SH3BGR: variants seen among roughly 807,000 people sequenced by gnomAD.
SH3BGR encodes SH3 domain binding glutamate rich protein.
Under a neutral mutation model 24.5 loss-of-function variants are expected in SH3BGR, and 29 were observed. The ratio of observed to expected loss-of-function variants is 1.18; its 90% CI spans 0.88 to 1.61. The LOEUF is 1.61. Ranked by LOEUF, SH3BGR falls within the 40% of genes most tolerant of loss-of-function variation. The probability of loss-of-function intolerance (pLI) is 0.00; values close to 1 mark genes in which losing one functional copy is unlikely to be tolerated. For missense variants in SH3BGR, 162 were observed against 205.8 expected (o/e 0.79, Z 1.30); for synonymous variants, 55 against 65.7 (o/e 0.84, Z 0.79).
intron 1 of SH3BGR, 97 bp from the exon 2 acceptor site, chr21:39,462,278 T>G (rs747103244): frequency 1.6e-5 from 13 of 797,634 alleles, no homozygotes; most frequent in Non-Finnish European, 2.6e-5. Context: ...CAAAATTATT[T>G]GTGTTGTATA....
At chr21:39,468,149 A>G (rs189928076) in intron 2 of SH3BGR, among the ~76,000 whole-genome samples, 1 of 152,362 alleles carries the variant, frequency 6.6e-6, no homozygotes, top group East Asian at 1.9e-4. Context: ...TAGCAGAGGT[A>G]TGAGTGTCTC....
chr21:39,479,417 G>A (rs912363256), intron 3 of SH3BGR, among the ~76,000 whole-genome samples: 5 of 151,646 alleles, frequency 3.3e-5, no homozygotes, highest in African/African-American at 7.2e-5. Context: ...GATGGTGGTA[G>A]TGGTGGTGAG....
intron 3 of SH3BGR, among the ~76,000 whole-genome samples, chr21:39,494,851 T>G (rs17406223): frequency 0.024 from 3,618 of 152,232 alleles, 151 homozygotes; most frequent in African/African-American, 0.083. Context: ...TTAAATCTTT[T>G]GTTATTATTC....
intron 4 of SH3BGR, among the ~76,000 whole-genome samples, chr21:39,502,828 G>A (rs975891458): frequency 2.0e-5 from 3 of 152,160 alleles, no homozygotes; most frequent in African/African-American, 4.8e-5. Flanking sequence ...TTCTGACCGC[G>A]GACGCTGCTG....
At chr21:39,462,601 T>C (rs1602082408) in intron 2 of SH3BGR, 41 bp downstream of exon 2, 2 of 1,394,766 alleles carry the variant, frequency 1.4e-6, no homozygotes, top group East Asian at 5.2e-5. Flanking sequence ...TGTGTGTGTG[T>C]TTATTAGAAA....
chr21:39,484,508 A>G (rs1429785671), intron 3 of SH3BGR, among the ~76,000 whole-genome samples: 1 of 152,152 alleles, frequency 6.6e-6, no homozygotes, highest in African/African-American at 2.4e-5. Context: ...GTTTTATCTT[A>G]TCTCATTTTT....
At chr21:39,494,039 T>C (rs1049619756) in intron 3 of SH3BGR, among the ~76,000 whole-genome samples, 1 of 152,052 alleles carries the variant, frequency 6.6e-6, no homozygotes, top group Admixed American at 6.6e-5. Flanking sequence ...TCTAGGTGTA[T>C]AATATATATT....
intron 2 of SH3BGR, 33 bp downstream of exon 2, chr21:39,462,593 T>G: frequency 2.1e-6 from 3 of 1,435,022 alleles, no homozygotes; most frequent in Non-Finnish European, 2.8e-6. Context: ...AATCCTGCTG[T>G]GTGTGTGTTT....
chr21:39,453,143 C>G (rs560815744), intron 1 of SH3BGR, among the ~76,000 whole-genome samples: 11 of 152,260 alleles, frequency 7.2e-5, no homozygotes, highest in Non-Finnish European at 1.5e-4. Context: ...CAAAGGCAGC[C>G]GCTGAGTGCC....
intron 2 of SH3BGR, among the ~76,000 whole-genome samples, chr21:39,466,410 A>G (rs2077843290): frequency 6.6e-6 from 1 of 152,188 alleles, no homozygotes; most frequent in Non-Finnish European, 1.5e-5. Flanking sequence ...GGTTATAGGT[A>G]ATGTTTACTG....
At chr21:39,512,021 C>T (rs540387114) in intron 6 of SH3BGR, among the ~76,000 whole-genome samples, 1 of 152,268 alleles carries the variant, frequency 6.6e-6, no homozygotes, top group South Asian at 2.1e-4. Context: ...TTCTTGCACA[C>T]TAGGGCACAG....
At chr21:39,492,443 G>GGTGTGTGTGTGTGT (rs1164205385) in intron 3 of SH3BGR, among the ~76,000 whole-genome samples, 27 of 136,544 alleles carry the variant, frequency 2.0e-4, no homozygotes, top group African/African-American at 7.2e-4. Context: ...AGTTTCCCTT[G>GGTGTGTGTGTGTGT]GTGTGTGTGT....
intron 3 of SH3BGR, among the ~76,000 whole-genome samples, chr21:39,487,792 T>A (rs1371428256): frequency 6.6e-6 from 1 of 152,228 alleles, no homozygotes; most frequent in African/African-American, 2.4e-5. Context: ...GAGTGCCTAT[T>A]GAAAGCATTT....
In SH3BGR at chr21:39,510,909, C is replaced by CTAACTATA. The variant is rs1491089915; in HGVS notation, c.436-769_436-768insACTATATA. 3.0e-5 allele frequency among the ~76,000 whole-genome samples: 2 copies of CTAACTATA among 65,880 alleles called. 1 individual carries two copies. Among genetic ancestry groups the CTAACTATA allele is most frequent in the Admixed American group, 4.0e-4 (2 of 5,020 alleles). 43.2% of individuals were successfully genotyped at this position (65,880 alleles called of 152,430 possible). Reference sequence around the variant, plus strand: ...TTCTTTTTGTATTTGATTCTTCTAACTATATATATATATATATATATATAT... The same window carrying CTAACTATA: ...TTCTTTTTGTATTTGATTCTTCTAACTAACTATATATATATATATATATATATATATAT... On this transcript the variant is annotated intron_variant, in intron 5 of 6. Transcript: ENST00000333634.
intron 3 of SH3BGR, among the ~76,000 whole-genome samples, chr21:39,478,996 G>C (rs2078073266): frequency 6.6e-6 from 1 of 152,044 alleles, no homozygotes; most frequent in African/African-American, 2.4e-5. Flanking sequence ...TTTCTTCTCT[G>C]TTTGCTTTGC....
At chr21:39,460,861 C>T (rs915443650) in intron 1 of SH3BGR, among the ~76,000 whole-genome samples, 12 of 152,162 alleles carry the variant, frequency 7.9e-5, no homozygotes, top group African/African-American at 2.9e-4. Context: ...ATGATCAGCA[C>T]ACTGTAACCT....
In SH3BGR at chr21:39,499,947, T is replaced by G. The variant is rs529378948; in HGVS notation, c.405+32T>G. On this transcript the variant is annotated intron_variant, in intron 4 of 6. Transcript: ENST00000333634. ...TTTCGCTTTTTCACAGCAGTTTGAC[T>G]GGATTCTCTGCTGTTCGAGACTTTT... The G allele has an allele frequency of 6.1e-6, 9 of 1,466,716 alleles. No individual in the cohort carries two copies. In the East Asian group the frequency reaches 2.0e-4, roughly 33 times the overall value. The allele number at this position is 1,466,716 out of a possible 1,614,324, so 90.9% of individuals were successfully genotyped here.
intron 4 of SH3BGR, among the ~76,000 whole-genome samples, chr21:39,505,665 T>TGAGGCAGGAGAATAGCTTGAACCCAG (rs2078570062): frequency 6.6e-6 from 1 of 152,100 alleles, no homozygotes; most frequent in African/African-American, 2.4e-5. Flanking sequence ...CTTGGGAGCC[T>TGAGGCAGGAGAATAGCTTGAACCCAG]GAGGCAGGAG....
At chr21:39,447,416 C>CATTTTTTTTTTTTTTTTTTTTTTT (rs1227234170), upstream of SH3BGR, among the ~76,000 whole-genome samples, 1 of 114,710 alleles carries the variant, frequency 8.7e-6, no homozygotes. Flanking sequence ...TTCGCTTTTG[C>CATTTTTTTTTTTTTTTTTTTTTTT]TTTTTTTTTT....
Sources: gnomAD v4.1 joint callset for allele counts (sites outside exome capture counted in the v4.1 genomes callset) on GRCh38, gnomAD v4.1.1 for gene constraint, MANE v1.5 for transcripts, NCBI Gene and HGNC (gene_info 2026-07-23, HGNC 2026-07-21) for gene names.